KRT74: variants seen among roughly 807,000 people sequenced by gnomAD.
The protein encoded by KRT74 is keratin 74.
Under a neutral mutation model 42.7 loss-of-function variants are expected in KRT74, and 43 were observed. That is an observed-to-expected ratio of 1.01 (90% CI 0.79 to 1.30). The LOEUF is 1.30. Ranked by LOEUF, KRT74 falls within the 50% of genes most tolerant of loss-of-function variation. KRT74 has a pLI of 0.00. For synonymous variants in KRT74, 302 were observed against 279.0 expected, an observed-to-expected ratio of 1.08 and a Z score of -0.82; for missense variants, 736 against 689.1, an observed-to-expected ratio of 1.07 and a Z score of -0.76.
intron 7 of KRT74, among the ~76,000 whole-genome samples, 171 bp downstream of exon 7, chr12:52,567,998 C>T (rs756666854): frequency 6.6e-6 from 1 of 152,172 alleles, no homozygotes; most frequent in Non-Finnish European, 1.5e-5. Flanking sequence ...GCCATCTACG[C>T]TTCATGGCTC....
chr12:52,571,663 C>G (rs1002721540), intron 3 of KRT74, among the ~76,000 whole-genome samples: 20 of 152,288 alleles, frequency 1.3e-4, no homozygotes, highest in African/African-American at 4.6e-4. Context: ...AAACAAAGCC[C>G]AGAGAGGTAG....
In KRT74 at chr12:52,569,878, A is replaced by G. The variant is rs748427468; in HGVS notation, c.1115T>C (p.Ile372Thr). Residue 372 changes from isoleucine to threonine, a missense_variant, in exon 6 of 9, where the codon ATC (isoleucine) becomes ACC (threonine). Transcript: ENST00000305620. ...GCCCACCTGCTTCTTCACATTCCCG[A>G]TCTCACACCGGATCCTCTGGATGAG... Reference protein sequence around the residue: ...NRLIQRIRCEIGNVKKQRASL... With the variant: ...NRLIQRIRCETGNVKKQRASL... The G allele has an allele frequency of 1.2e-6, 2 of 1,614,060 alleles. No homozygotes were observed. The highest frequency in any genetic ancestry group is 1.7e-6 in the Non-Finnish European group (2 of 1,180,000).
rs749881805 is a variant in KRT74, at chr12:52,570,003, G to A, written c.1009-19C>T. The A allele has an allele frequency of 5.0e-6, 8 of 1,613,854 alleles. No homozygotes were observed. Among genetic ancestry groups the A allele is most frequent in the Non-Finnish European group, 5.1e-6 (6 of 1,180,010 alleles). ...CCTGGATCTGGTTTCCCAGAGATAG[G>A]AAGTTGGTGATGAGACAAGGGCACT... On this transcript the variant is annotated intron_variant, in intron 5 of 8. Coordinates refer to ENST00000305620, the MANE Select transcript of KRT74 (RefSeq NM_175053.4).
In KRT74 at chr12:52,569,681, C is replaced by T. The variant is rs571068080; in HGVS notation, c.1134+178G>A. The stretch of plus-strand genomic sequence containing the variant: ...GTTTGAGGCTCCTCCCAGTTCTGGG[C>T]GGGGTACCAGCTCTGATGGTAGGGT... On this transcript the variant is annotated intron_variant, in intron 6 of 8. Transcript: ENST00000305620. The T allele has an allele frequency of 1.7e-4, 125 of 746,656 alleles. 1 individual carries two copies. The highest frequency in any genetic ancestry group is 1.2e-3 in the South Asian group (73 of 61,212). 46.3% of individuals were successfully genotyped at this position (746,656 alleles called of 1,614,324 possible).
intron 6 of KRT74, 39 bp downstream of exon 6, chr12:52,569,820 C>T (rs1939442810): frequency 2.5e-6 from 4 of 1,613,496 alleles, no homozygotes; most frequent in African/African-American, 2.7e-5. Flanking sequence ...CCAGAGCCTG[C>T]TGTGGAGACC....
Position 52,568,998 on chromosome 12 carries a change from G to A in KRT74, c.1135-609C>T, listed in dbSNP as rs189780225. On this transcript the variant is annotated intron_variant, in intron 6 of 8. Coordinates refer to ENST00000305620, the MANE Select transcript of KRT74 (RefSeq NM_175053.4). The stretch of plus-strand genomic sequence containing the variant: ...TTGCGATGCCTGTTGCTAACAGAGA[G>A]GGAGGAACTATGCTCATGGAATTTG... 1.1e-4 allele frequency among the ~76,000 whole-genome samples: 16 copies of A among 152,342 alleles called. No homozygotes were observed. In the East Asian group the frequency reaches 2.1e-3, roughly 20 times the overall value.
Position 52,573,693 on chromosome 12 carries a change from C to A in KRT74, c.85G>T (p.Gly29Cys), listed in dbSNP as rs748305620. ...HSAVVPRKAV[G>C]SLASYCAAGR... ...GCTGCACAGTAAGAAGCCAGGCTAC[C>A]CACAGCCTTCCTTGGCACCACTGCC... Residue 29 changes from glycine to cysteine, a missense_variant, in exon 1 of 9, where the codon GGT (glycine) becomes TGT (cysteine). By Grantham distance (159) the Gly-to-Cys change is radical. Transcript: ENST00000305620. 63 of 1,614,076 alleles carry A rather than the reference C, an allele frequency of 3.9e-5. No homozygotes were observed. In the Admixed American group the frequency reaches 1.0e-3, roughly 27 times the overall value.
At chr12:52,571,136 T>C (rs183230093) in intron 4 of KRT74, among the ~76,000 whole-genome samples, 1 of 152,376 alleles carries the variant, frequency 6.6e-6, no homozygotes, top group African/African-American at 2.4e-5. Context: ...TATCTTTTCC[T>C]GCCCGTGGGC....
chr12:52,567,035 T>C lies in KRT74; in HGVS notation c.1524A>G (p.Gly508=). ...GQTKTTEARG[G]DLKDTQGKST... The stretch of plus-strand genomic sequence containing the variant: ...TCTTGCCCTGGGTGTCCTTGAGGTC[T>C]CCCCCTCGCGCCTCTGTGGTCTTGG... The change falls in exon 9 of 9, where the codon GGA becomes GGG. Residue 508 remains glycine, a synonymous_variant. Transcript: ENST00000305620. The C allele has an allele frequency of 1.9e-6, 3 of 1,599,816 alleles. No homozygotes were observed. The highest frequency in any genetic ancestry group is 2.6e-6 in the Non-Finnish European group (3 of 1,171,178).
At position 52,573,651 on chromosome 12, in the gene KRT74, C is replaced by A; in HGVS notation, c.127G>T (p.Ala43Ser). Residue 43 changes from alanine (A) to serine (S), a missense_variant, in exon 1 of 9, where the codon GCT becomes TCT. Coordinates refer to ENST00000305620, the MANE Select transcript of KRT74 (RefSeq NM_175053.4). Reference sequence around the variant, plus strand: ...TAGAGGCTCCGACTGCCAAAGCCAGCGCCAGCCCCTCTGCCAGCTGCACAG... The same window carrying A: ...TAGAGGCTCCGACTGCCAAAGCCAGAGCCAGCCCCTCTGCCAGCTGCACAG... ...SYCAAGRGAG[A>S]GFGSRSLYSL... The A allele has an allele frequency of 6.2e-7, 1 of 1,614,108 alleles. No homozygotes were observed. Among genetic ancestry groups the A allele is most frequent in the South Asian group, 1.1e-5 (1 of 91,086 alleles).
At chr12:52,567,235 C>A in intron 8 of KRT74, 67 bp from the exon 9 acceptor site, 1 of 1,352,432 alleles carries the variant, frequency 7.4e-7, no homozygotes, top group South Asian at 1.5e-5. Context: ...GCTATGGTAA[C>A]GGCTGTCCCC....
Position 52,566,573 on chromosome 12 carries a change from G to T in KRT74, c.*396C>A. ...TCGTGTCACCCCACCATGCTGGCAG[G>T]GGATGTAAAACCTCTCAGACAGTAG... On this transcript the variant is annotated 3_prime_UTR_variant, in exon 9 of 9. Coordinates refer to ENST00000305620, the MANE Select transcript of KRT74 (RefSeq NM_175053.4). 5.5e-6 allele frequency: 1 copy of T among 183,386 alleles called. No individual in the cohort carries two copies. The allele number at this position is 183,386 out of a possible 1,614,324, so 11.4% of individuals were successfully genotyped here.
At chr12:52,568,711 C>T (rs536289776) in intron 6 of KRT74, among the ~76,000 whole-genome samples, 3 of 152,180 alleles carry the variant, frequency 2.0e-5, no homozygotes, top group Non-Finnish European at 4.4e-5. Context: ...GAAAATCATG[C>T]CCGATCCCCT....
rs374047461 is a variant in KRT74 at position 52,570,722 on chromosome 12, C to A, written c.955G>T (p.Glu319Ter). 8 of 1,614,144 alleles carry A rather than the reference C, an allele frequency of 5.0e-6. No homozygotes were observed. In the African/African-American group the frequency reaches 6.7e-5, roughly 13 times the overall value. ...SIIAEVRMHY[E>*]EIALKSKAEA... ...GCCTTGCTCTTCAGGGCGATCTCCT[C>A]ATAATGCATGCGGACCTCAGCGATG... The change falls in exon 5 of 9, where the codon GAG (glutamate) becomes TAG (stop). Residue 319 changes from glutamate to a stop codon, truncating the protein, a stop_gained. Coordinates refer to ENST00000305620, the MANE Select transcript of KRT74 (RefSeq NM_175053.4). LOFTEE classifies it high-confidence loss of function.
chr12:52,570,786 C>G lies in KRT74; in HGVS notation c.891G>C (p.Leu297=). Residue 297 remains leucine, a synonymous_variant, in exon 5 of 9, where the codon CTG becomes CTC. Coordinates refer to ENST00000305620, the MANE Select transcript of KRT74 (RefSeq NM_175053.4). ...QTHASETSVI[L]SMDNNRDLDL... The stretch of plus-strand genomic sequence containing the variant: ...CCAGGTCCCGGTTGTTGTCCATGGA[C>G]AGGATGACAGAGGTCTCACTGGCGT... 1 of 1,614,208 alleles carries G rather than the reference C, an allele frequency of 6.2e-7. No individual in the cohort carries two copies. The highest frequency in any genetic ancestry group is 8.5e-7 in the Non-Finnish European group (1 of 1,180,030).
intron 1 of KRT74, 129 bp from the exon 2 acceptor site, chr12:52,572,796 C>T: frequency 1.2e-6 from 1 of 819,050 alleles, no homozygotes; most frequent in East Asian, 2.7e-5. Flanking sequence ...TGACTCTCCA[C>T]CCTTGCCATT....
At position 52,567,049 on chromosome 12, in the gene KRT74, C is replaced by T. The variant is rs192827560; in HGVS notation, c.1510G>A (p.Glu504Lys). Reference sequence around the variant, plus strand: ...TCCTTGAGGTCTCCCCCTCGCGCCTCTGTGGTCTTGGTCTGCCCGCTCTGG... The same window carrying T: ...TCCTTGAGGTCTCCCCCTCGCGCCTTTGTGGTCTTGGTCTGCCCGCTCTGG... Reference protein sequence around the residue: ...STQSGQTKTTEARGGDLKDTQ... With the variant: ...STQSGQTKTTKARGGDLKDTQ... The change falls in exon 9 of 9, where the codon GAG becomes AAG. Residue 504 changes from glutamate (E) to lysine (K), a missense_variant. By Grantham distance (56) the Glu-to-Lys change is moderately conservative. Coordinates refer to ENST00000305620, the MANE Select transcript of KRT74 (RefSeq NM_175053.4). 4.4e-6 allele frequency: 7 copies of T among 1,600,318 alleles called. No homozygotes were observed. In the African/African-American group the frequency reaches 9.4e-5, roughly 21 times the overall value.
chr12:52,571,277 T>A, intron 4 of KRT74, 82 bp downstream of exon 4: 1 of 909,318 alleles, frequency 1.1e-6, no homozygotes. Flanking sequence ...ATTTTGTTGA[T>A]CCTAAATCTC....
In KRT74 at chr12:52,566,226, G is replaced by A. The variant is rs1210768022; in HGVS notation, c.*743C>T. 6.6e-6 allele frequency: 1 copy of A among 152,188 alleles called. No individual in the cohort carries two copies. The highest frequency in any genetic ancestry group is 2.4e-5 in the African/African-American group (1 of 41,432). 9.4% of individuals were successfully genotyped at this position (152,188 alleles called of 1,614,324 possible). A position where few individuals can be genotyped will look rare whatever the true frequency, so the allele number is the denominator to read the frequency against. On this transcript the variant is annotated 3_prime_UTR_variant, in exon 9 of 9. Coordinates refer to ENST00000305620, the MANE Select transcript of KRT74 (RefSeq NM_175053.4). ...CCAGTTCAGCAGCCTCTTGGGATCA[G>A]GCTCCCAGTCTGTTCCAAGGATGCT...
Sources: gnomAD v4.1 joint callset for allele counts (sites outside exome capture counted in the v4.1 genomes callset) on GRCh38, gnomAD v4.1.1 for gene constraint, MANE v1.5 for transcripts, NCBI Gene and HGNC (gene_info 2026-07-23, HGNC 2026-07-21) for gene names.